Variants in KCNMA1 observed in about 807,000 individuals in gnomAD.
KCNMA1 encodes the protein potassium calcium-activated channel subfamily M alpha 1, also known as Calcium-activated potassium channel subunit alpha-1.
Under a neutral mutation model 140.0 loss-of-function variants are expected in KCNMA1, and 29 were observed. That is an observed-to-expected ratio of 0.21 (90% CI 0.15 to 0.28). KCNMA1 has a LOEUF of 0.28. Ranked by LOEUF, KCNMA1 falls within the 10% of genes least tolerant of loss-of-function variation. The pLI is 1.00. For synonymous variants in KCNMA1, 612 were observed against 611.9 expected, an observed-to-expected ratio of 1.00 and a Z score of 0.00; for missense variants, 880 against 1,602.2, an observed-to-expected ratio of 0.55 and a Z score of 7.70.
intron 2 of KCNMA1, among the ~76,000 whole-genome samples, chr10:77,374,819 C>T (rs1397843748): frequency 6.6e-6 from 1 of 152,182 alleles, no homozygotes; most frequent in Non-Finnish European, 1.5e-5. Context: ...CCCATGACCC[C>T]TAGGACTGAA....
rs917272682 is a variant in KCNMA1 at position 76,952,293 on chromosome 10, G to A, written c.2484+1508C>T. ...CCCAGCACTTTGGGAGGCCAAGGTTGGCGGATCATGAGCTCAAGAAATCGA... is the reference window on the plus strand; with the variant it reads ...CCCAGCACTTTGGGAGGCCAAGGTTAGCGGATCATGAGCTCAAGAAATCGA... On this transcript the variant is annotated intron_variant, in intron 21 of 27. Transcript: ENST00000286628. 14 of 920,668 alleles carry A rather than the reference G, an allele frequency of 1.5e-5. No individual in the cohort carries two copies. In the African/African-American group the frequency reaches 2.2e-4, roughly 14 times the overall value. 57.0% of individuals were successfully genotyped at this position (920,668 alleles called of 1,614,324 possible).
chr10:77,063,181 G>A (rs2095818899), intron 14 of KCNMA1, among the ~76,000 whole-genome samples: 1 of 152,166 alleles, frequency 6.6e-6, no homozygotes, highest in Non-Finnish European at 1.5e-5. Context: ...GGGAGGCTGA[G>A]GTGGGCACAT....
intron 19 of KCNMA1, among the ~76,000 whole-genome samples, chr10:77,000,316 TC>T (rs1291513154): frequency 6.6e-6 from 1 of 152,160 alleles, no homozygotes; most frequent in African/African-American, 2.4e-5. Context: ...TCAAGTAAAG[TC>T]CTCCAGTGGA....
At chr10:77,093,852 A>G (rs1330358412) in intron 9 of KCNMA1, among the ~76,000 whole-genome samples, 2 of 152,184 alleles carry the variant, frequency 1.3e-5, no homozygotes, top group African/African-American at 2.4e-5. Flanking sequence ...ATCCAAAGTT[A>G]TCTCTGTTGG....
chr10:77,236,527 A>T (rs473881), intron 3 of KCNMA1, among the ~76,000 whole-genome samples: 8 of 151,932 alleles, frequency 5.3e-5, no homozygotes, highest in Admixed American at 1.3e-4. Context: ...CTAGCCTGCC[A>T]TCCTTCCTTA....
chr10:77,246,110 G>A (rs2058488420), intron 3 of KCNMA1, among the ~76,000 whole-genome samples: 1 of 152,206 alleles, frequency 6.6e-6, no homozygotes, highest in African/African-American at 2.4e-5. Context: ...AGGATGAGGT[G>A]ATGCAACTTC....
downstream of KCNMA1, among the ~76,000 whole-genome samples, chr10:76,882,385 G>C (rs1371221285): frequency 1.3e-5 from 2 of 152,140 alleles, no homozygotes; most frequent in African/African-American, 4.8e-5. Flanking sequence ...GGGCTAACAA[G>C]GAGCTTCGAC....
At chr10:76,914,879 C>G in intron 24 of KCNMA1, 57 bp downstream of exon 24, 2 of 1,240,668 alleles carry the variant, frequency 1.6e-6, no homozygotes, top group Admixed American at 3.4e-5. Flanking sequence ...TCCTCATATC[C>G]TGTATGGTTT....
chr10:77,031,960 G>A (rs1263896947), intron 15 of KCNMA1, among the ~76,000 whole-genome samples: 1 of 152,202 alleles, frequency 6.6e-6, no homozygotes, highest in African/African-American at 2.4e-5. Context: ...AGTCTATGCA[G>A]AGAAAGCTTG....
intron 3 of KCNMA1, among the ~76,000 whole-genome samples, chr10:77,231,364 T>C (rs1023219867): frequency 6.6e-6 from 1 of 152,220 alleles, no homozygotes; most frequent in Non-Finnish European, 1.5e-5. Flanking sequence ...GTGAGTTTTA[T>C]ATTGTTGCTT....
intron 2 of KCNMA1, among the ~76,000 whole-genome samples, chr10:77,378,495 G>A (rs1347278922): frequency 3.9e-5 from 6 of 152,210 alleles, no homozygotes; most frequent in Non-Finnish European, 5.9e-5. Context: ...TGGACAGTGG[G>A]ATGTCTCTCT....
intron 2 of KCNMA1, among the ~76,000 whole-genome samples, chr10:77,281,069 C>T (rs948440452): frequency 2.3e-4 from 35 of 149,326 alleles, no homozygotes; most frequent in African/African-American, 8.6e-4. Context: ...GTGTAGATCT[C>T]CGAACACAAA....
chr10:76,984,693 G>A (rs1466963723), intron 19 of KCNMA1, among the ~76,000 whole-genome samples: 1 of 150,102 alleles, frequency 6.7e-6, no homozygotes, highest in East Asian at 2.0e-4. Context: ...AGATAGCATA[G>A]GCAATCCAAT....
intron 2 of KCNMA1, among the ~76,000 whole-genome samples, chr10:77,382,988 GTGTGTGTATA>G (rs1340425972): frequency 3.1e-4 from 14 of 44,978 alleles, no homozygotes; most frequent in African/African-American, 1.5e-3. Context: ...GTGTGTGTGT[GTGTGTGTATA>G]TATATATATA....
intron 9 of KCNMA1, among the ~76,000 whole-genome samples, chr10:77,102,287 G>A (rs1270575842): frequency 1.3e-5 from 2 of 152,208 alleles, no homozygotes; most frequent in African/African-American, 4.8e-5. Flanking sequence ...TTAGAAATCA[G>A]TCTAGAACCC....
chr10:77,181,328 T>C (rs527972198), intron 5 of KCNMA1, among the ~76,000 whole-genome samples: 1 of 152,310 alleles, frequency 6.6e-6, no homozygotes, highest in Admixed American at 6.5e-5. Context: ...TCGATTTCCC[T>C]GTGTGTGCAT....
chr10:77,460,004 T>C (rs1024015552), intron 1 of KCNMA1, among the ~76,000 whole-genome samples: 2 of 152,226 alleles, frequency 1.3e-5, no homozygotes, highest in Non-Finnish European at 1.5e-5. Context: ...TTCTATGGCA[T>C]TGCAGGTCAC....
At chr10:77,319,529 C>A (rs2081766304) in intron 2 of KCNMA1, among the ~76,000 whole-genome samples, 1 of 152,200 alleles carries the variant, frequency 6.6e-6, no homozygotes, top group African/African-American at 2.4e-5. Context: ...AAAGCCTCAC[C>A]TTTTCACTAG....
chr10:77,631,673 C>A (rs2154571195), intron 1 of KCNMA1, among the ~76,000 whole-genome samples: 1 of 152,336 alleles, frequency 6.6e-6, no homozygotes, highest in Non-Finnish European at 1.5e-5. Flanking sequence ...CCAAAGCAAG[C>A]ACTTACTCCT....
Sources: gnomAD v4.1 joint callset for allele counts (sites outside exome capture counted in the v4.1 genomes callset) on GRCh38, gnomAD v4.1.1 for gene constraint, MANE v1.5 for transcripts, NCBI Gene and HGNC (gene_info 2026-07-23, HGNC 2026-07-21) for gene names.